CHN2: variants seen among roughly 807,000 people sequenced by gnomAD.
CHN2 encodes beta-chimaerin.
A neutral mutation model predicts 56.3 loss-of-function variants in CHN2; 35 were observed. The observed-to-expected ratio is 0.62, with a 90% CI of 0.47 to 0.82. CHN2 has a LOEUF of 0.82. Among genes scored for constraint, CHN2 ranks in the 40% least tolerant of loss-of-function variants. CHN2 has a pLI of 0.00. For missense variants in CHN2, 491 were observed against 580.5 expected (o/e 0.85, Z 1.58); for synonymous variants, 210 against 212.8 (o/e 0.99, Z 0.12).
intron 3 of CHN2, among the ~76,000 whole-genome samples, chr7:29,369,678 T>C (rs937173555): frequency 6.6e-5 from 10 of 151,918 alleles, no homozygotes; most frequent in Admixed American, 2.0e-4. Flanking sequence ...GCAGGTGGAG[T>C]GTTAGCAGTG....
chr7:29,473,991 T>G (rs563685996), intron 6 of CHN2, among the ~76,000 whole-genome samples: 1 of 152,186 alleles, frequency 6.6e-6, no homozygotes, highest in Non-Finnish European at 1.5e-5. Context: ...GCAAAGAATA[T>G]AGAAGAAAAT....
intron 9 of CHN2, among the ~76,000 whole-genome samples, chr7:29,502,047 T>C (rs73310909): frequency 6.6e-6 from 1 of 152,194 alleles, no homozygotes; most frequent in Non-Finnish European, 1.5e-5. Flanking sequence ...CCGAGTACAA[T>C]GTCCAATCTA....
At chr7:29,174,078 G>A (rs755460692) in intron 2 of CHN2, among the ~76,000 whole-genome samples, 8 of 152,168 alleles carry the variant, frequency 5.3e-5, no homozygotes, top group Non-Finnish European at 7.4e-5. Context: ...TAGTCTCCAT[G>A]GGGAAGAGGG....
At chr7:29,241,014 C>T (rs1354167411) in intron 1 of CHN2, among the ~76,000 whole-genome samples, 1 of 152,062 alleles carries the variant, frequency 6.6e-6, no homozygotes, top group African/African-American at 2.4e-5. Flanking sequence ...GCCTCCTGCA[C>T]AGCTGGGATT....
At chr7:29,418,829 A>G (rs1804037641) in intron 6 of CHN2, among the ~76,000 whole-genome samples, 1 of 152,172 alleles carries the variant, frequency 6.6e-6, no homozygotes, top group South Asian at 2.1e-4. Flanking sequence ...AAATGCAAGT[A>G]TTTTTAAACA....
intron 2 of CHN2, among the ~76,000 whole-genome samples, chr7:29,150,424 G>A (rs900587701): frequency 6.6e-6 from 1 of 152,202 alleles, no homozygotes; most frequent in African/African-American, 2.4e-5. Flanking sequence ...TGTGACTGCA[G>A]TTCTTTCCAA....
intron 1 of CHN2, among the ~76,000 whole-genome samples, chr7:29,211,064 T>G (rs372625295): frequency 9.7e-6 from 1 of 103,180 alleles, no homozygotes; most frequent in Middle Eastern, 4.6e-3. Context: ...GTTTTGTTTT[T>G]TTTTTTGTTG....
intron 3 of CHN2, among the ~76,000 whole-genome samples, chr7:29,387,974 A>C (rs896313088): frequency 6.6e-6 from 1 of 152,226 alleles, no homozygotes. Flanking sequence ...CAATTAGGTA[A>C]TTGTTTTTTA....
intron 1 of CHN2, among the ~76,000 whole-genome samples, chr7:29,247,834 C>T (rs2128815699): frequency 6.6e-6 from 1 of 152,352 alleles, no homozygotes; most frequent in Non-Finnish European, 1.5e-5. Context: ...AACAATCATG[C>T]AACCCCCAAA....
chr7:29,330,261 T>A (rs867855364), intron 1 of CHN2, among the ~76,000 whole-genome samples: 1 of 152,204 alleles, frequency 6.6e-6, no homozygotes, highest in Non-Finnish European at 1.5e-5. Flanking sequence ...TTCAACATAG[T>A]GGTTCGTAGT....
At chr7:29,223,210 A>G (rs1191624203) in intron 1 of CHN2, among the ~76,000 whole-genome samples, 2 of 152,320 alleles carry the variant, frequency 1.3e-5, no homozygotes, top group Non-Finnish European at 2.9e-5. Context: ...ATGTCAAGCT[A>G]TTATCACAGA....
intron 1 of CHN2, among the ~76,000 whole-genome samples, chr7:29,269,632 T>C (rs1394079464): frequency 6.6e-6 from 1 of 152,204 alleles, no homozygotes; most frequent in African/African-American, 2.4e-5. Context: ...CTTCATGCTG[T>C]TTTCCATAGT....
chr7:29,233,233 C>T (rs1294693942), intron 1 of CHN2, among the ~76,000 whole-genome samples: 3 of 152,236 alleles, frequency 2.0e-5, no homozygotes, highest in African/African-American at 7.2e-5. Flanking sequence ...TATCACCTAA[C>T]TCCTAGGCTG....
At position 29,194,802 on chromosome 7, in the gene CHN2, C is replaced by T; in HGVS notation, c.-140C>T. The T allele has an allele frequency of 1.5e-6, 1 of 649,062 alleles. No homozygotes were observed. The highest frequency in any genetic ancestry group is 3.7e-5 in the South Asian group (1 of 27,064). 40.2% of individuals were successfully genotyped at this position (649,062 alleles called of 1,614,324 possible). On this transcript the variant is annotated 5_prime_UTR_variant, in exon 1 of 13. Coordinates refer to ENST00000222792, the MANE Select transcript of CHN2 (RefSeq NM_004067.4). ...TGGAGCAGGAAGTGCAGGCAGAGTC[C>T]GGAGGCTGGTGCTTTCTGCGCGTCC...
chr7:29,208,854 C>G (rs1784716667), intron 1 of CHN2: 2 of 152,408 alleles, frequency 1.3e-5, no homozygotes, highest in East Asian at 3.9e-4. Flanking sequence ...GTCTCCTTCT[C>G]TTAGCGCTGC....
intron 10 of CHN2, among the ~76,000 whole-genome samples, chr7:29,506,639 A>G (rs1790597617): frequency 1.3e-5 from 2 of 152,232 alleles, no homozygotes; most frequent in South Asian, 4.1e-4. Flanking sequence ...TCTGTCTCAC[A>G]CACACAAAAA....
At chr7:29,228,159 TACAC>T (rs142567884) in intron 1 of CHN2, among the ~76,000 whole-genome samples, 49 of 147,148 alleles carry the variant, frequency 3.3e-4, no homozygotes, top group African/African-American at 8.9e-4. Flanking sequence ...TATATATATA[TACAC>T]ACACACACAC....
intron 8 of CHN2, among the ~76,000 whole-genome samples, chr7:29,496,419 G>A (rs1789292481): frequency 6.6e-6 from 1 of 151,806 alleles, no homozygotes; most frequent in Admixed American, 6.6e-5. Context: ...TAATAGTGCT[G>A]GTGAATATTT....
intron 2 of CHN2, among the ~76,000 whole-genome samples, chr7:29,180,101 A>G (rs1356851514): frequency 6.6e-6 from 1 of 152,202 alleles, no homozygotes; most frequent in East Asian, 1.9e-4. Context: ...CATGTGTTTC[A>G]TTCTTAATAT....
Sources: gnomAD v4.1 joint callset for allele counts (sites outside exome capture counted in the v4.1 genomes callset) on GRCh38, gnomAD v4.1.1 for gene constraint, MANE v1.5 for transcripts, NCBI Gene and HGNC (gene_info 2026-07-23, HGNC 2026-07-21) for gene names.